Variants in RBL1 observed in about 807,000 individuals in gnomAD.
RBL1 encodes RB transcriptional corepressor like 1.
In RBL1, 82 loss-of-function variants were observed where a neutral mutation model predicts 123.0. That is an observed-to-expected ratio of 0.67 (90% CI 0.56 to 0.80). The LOEUF (loss-of-function observed/expected upper bound fraction) is 0.80. Ranked by LOEUF, RBL1 falls within the 30% of genes least tolerant of loss-of-function variation. The pLI, the probability that RBL1 is intolerant of heterozygous loss-of-function variation, is 0.00. For synonymous variants in RBL1, 405 were observed against 441.3 expected (o/e 0.92, Z 1.03); for missense variants, 1,171 against 1,299.6 (o/e 0.90, Z 1.52).
At chr20:37,060,667 A>G (rs2065078991) in intron 9 of RBL1, among the ~76,000 whole-genome samples, 1 of 151,986 alleles carries the variant, frequency 6.6e-6, no homozygotes, top group Non-Finnish European at 1.5e-5. Flanking sequence ...CTGTAGTTCC[A>G]GCTAACTTGG....
intron 21 of RBL1, among the ~76,000 whole-genome samples, chr20:36,999,471 CCCT>C (rs2063929118): frequency 1.3e-5 from 2 of 148,512 alleles, no homozygotes; most frequent in African/African-American, 5.2e-5. Context: ...CTCTCCCTCT[CCCT>C]CCTCTCCCTC....
At chr20:37,060,109 T>C (rs1169657903) in intron 9 of RBL1, among the ~76,000 whole-genome samples, 1 of 151,664 alleles carries the variant, frequency 6.6e-6, no homozygotes, top group South Asian at 2.1e-4. Flanking sequence ...GAGGTGGAGG[T>C]TGCAGTGAGC....
At chr20:37,042,762 G>C (rs1040703049) in intron 13 of RBL1, among the ~76,000 whole-genome samples, 13 of 151,790 alleles carry the variant, frequency 8.6e-5, no homozygotes, top group African/African-American at 2.9e-4. Flanking sequence ...AATTAGCCAG[G>C]TGTGGTGTGT....
intron 2 of RBL1, among the ~76,000 whole-genome samples, chr20:37,072,724 C>T (rs1303539993): frequency 2.6e-5 from 4 of 152,088 alleles, no homozygotes; most frequent in African/African-American, 9.7e-5. Flanking sequence ...GTGGTGAATT[C>T]TTAGAGCAGG....
At chr20:37,057,652 G>GT (rs1334071838) in intron 9 of RBL1, among the ~76,000 whole-genome samples, 2 of 151,768 alleles carry the variant, frequency 1.3e-5, no homozygotes, top group African/African-American at 4.8e-5. Flanking sequence ...TCTATAGGTT[G>GT]TTTTTTTTAC....
intron 21 of RBL1, among the ~76,000 whole-genome samples, chr20:37,002,359 T>TC (rs1472754643): frequency 7.6e-6 from 1 of 131,986 alleles, no homozygotes; most frequent in Non-Finnish European, 1.6e-5. Flanking sequence ...TTTTTTTTTT[T>TC]TGAGACTAAG....
In RBL1 at chr20:37,047,361, T is replaced by G. The variant is rs989429660; in HGVS notation, c.1468-171A>C. Among the ~76,000 whole-genome samples the G allele has an allele frequency of 2.0e-5, 3 of 152,324 alleles. No individual in the cohort carries two copies. The South Asian group carries it at 6.2e-4, about 32-fold the overall frequency. ...TTGGTAGTTTTCCTATAATACCTAT[T>G]CTTGCTCAGTGGGTAGGGAATAAAT... On this transcript the variant is annotated intron_variant, in intron 11 of 21. Coordinates refer to ENST00000373664, the MANE Select transcript of RBL1 (RefSeq NM_002895.5).
intron 19 of RBL1, among the ~76,000 whole-genome samples, chr20:37,015,649 C>A (rs756684005): frequency 6.4e-4 from 98 of 152,164 alleles, no homozygotes; most frequent in Admixed American, 1.8e-3. Context: ...CCAGGATGGT[C>A]TGGATCTCCT....
intron 21 of RBL1, among the ~76,000 whole-genome samples, chr20:37,002,971 G>T (rs1056873608): frequency 6.6e-6 from 1 of 152,012 alleles, no homozygotes; most frequent in Admixed American, 6.6e-5. Flanking sequence ...CAATCTGCCC[G>T]CCTTGGCCTC....
intron 8 of RBL1, among the ~76,000 whole-genome samples, chr20:37,061,477 A>T (rs2065094601): frequency 1.3e-5 from 2 of 152,222 alleles, no homozygotes; most frequent in Non-Finnish European, 2.9e-5. Flanking sequence ...CACACCACTG[A>T]TTTGAAAGAT....
At chr20:37,020,147 G>A (rs1294340370) in intron 18 of RBL1, among the ~76,000 whole-genome samples, 1 of 148,544 alleles carries the variant, frequency 6.7e-6, no homozygotes, top group Non-Finnish European at 1.5e-5. Flanking sequence ...GGAGTGCAGT[G>A]GAATGCTCTT....
At chr20:37,006,765 G>A (rs1326807242) in intron 20 of RBL1, among the ~76,000 whole-genome samples, 5 of 149,868 alleles carry the variant, frequency 3.3e-5, no homozygotes, top group South Asian at 2.1e-4. Context: ...ACTTGAGCCC[G>A]GGAGGCAGAG....
At chr20:37,070,331 G>A (rs141804552) in intron 2 of RBL1, among the ~76,000 whole-genome samples, 2,496 of 152,148 alleles carry the variant, frequency 0.016, 26 homozygotes, top group Non-Finnish European at 0.025. Context: ...CACAAACACC[G>A]CGGAAGGCCG....
At chr20:37,085,871 G>A (rs942597194) in intron 2 of RBL1, among the ~76,000 whole-genome samples, 5 of 151,752 alleles carry the variant, frequency 3.3e-5, no homozygotes, top group African/African-American at 7.3e-5. Flanking sequence ...GGATGGTCTC[G>A]ATCTCCTGAC....
At chr20:37,023,643 G>T (rs2064377291) in intron 16 of RBL1, among the ~76,000 whole-genome samples, 1 of 151,946 alleles carries the variant, frequency 6.6e-6, no homozygotes, top group Non-Finnish European at 1.5e-5. Flanking sequence ...ATACAAAGTT[G>T]TTGTTTTTTT....
intron 1 of RBL1, among the ~76,000 whole-genome samples, chr20:37,090,838 T>C (rs1191556614): frequency 1.3e-5 from 2 of 152,088 alleles, no homozygotes; most frequent in East Asian, 3.9e-4. Context: ...AGAAAACATA[T>C]AGTAAAAATA....
intron 19 of RBL1, among the ~76,000 whole-genome samples, chr20:37,012,061 C>T (rs922662693): frequency 1.3e-5 from 2 of 152,216 alleles, no homozygotes; most frequent in African/African-American, 2.4e-5. Flanking sequence ...GACGGGGTTT[C>T]GCTGTGTTGG....
At chr20:37,089,976 C>G (rs1190937303) in intron 1 of RBL1, among the ~76,000 whole-genome samples, 1 of 152,160 alleles carries the variant, frequency 6.6e-6, no homozygotes, top group African/African-American at 2.4e-5. Flanking sequence ...AGCTTAAACT[C>G]GGGAGGCAGA....
intron 19 of RBL1, among the ~76,000 whole-genome samples, chr20:37,012,809 G>A (rs1302000094): frequency 2.8e-5 from 4 of 145,382 alleles, no homozygotes; most frequent in East Asian, 2.1e-4. Flanking sequence ...CCCCCTGCCC[G>A]GCCAGCCACC....
Sources: gnomAD v4.1 joint callset for allele counts (sites outside exome capture counted in the v4.1 genomes callset) on GRCh38, gnomAD v4.1.1 for gene constraint, MANE v1.5 for transcripts, NCBI Gene and HGNC (gene_info 2026-07-23, HGNC 2026-07-21) for gene names.